CFAP20: variants seen among roughly 807,000 people sequenced by gnomAD.
The protein encoded by CFAP20 is cilia and flagella associated protein 20, also known as cilia- and flagella-associated protein 20.
A neutral mutation model predicts 25.5 loss-of-function variants in CFAP20; 14 were observed. The observed-to-expected ratio is 0.55, with a 90% CI of 0.36 to 0.86. The LOEUF is 0.86. Among genes scored for constraint, CFAP20 ranks in the 40% least tolerant of loss-of-function variants. The pLI is 0.01. For missense variants in CFAP20, 181 were observed against 248.0 expected (o/e 0.73, Z 1.81); for synonymous variants, 75 against 91.1 (o/e 0.82, Z 1.01).
chr16:58,127,843 A>T (rs1185532313), intron 1 of CFAP20, among the ~76,000 whole-genome samples: 2 of 152,226 alleles, frequency 1.3e-5, no homozygotes, highest in African/African-American at 4.8e-5. Context: ...TAGTGGTGAC[A>T]GGCAGAAAGC....
intron 1 of CFAP20, among the ~76,000 whole-genome samples, chr16:58,127,868 C>T (rs1157706976): frequency 1.3e-5 from 2 of 152,188 alleles, no homozygotes; most frequent in Admixed American, 6.5e-5. Context: ...CATGTTCTCT[C>T]CCAACTTTAT....
intron 1 of CFAP20, among the ~76,000 whole-genome samples, chr16:58,118,057 G>A (rs1293570768): frequency 6.6e-6 from 1 of 152,206 alleles, no homozygotes; most frequent in African/African-American, 2.4e-5. Context: ...GGAGGTAGAT[G>A]ATGGGGAGGA....
chr16:58,119,811 C>A lies in CFAP20; in HGVS notation c.85-2860G>T, dbSNP rs4784896. ...AAGTGCCCACCTCACTCGCCATCTA[C>A]TGTTCCCAACCTAAGTGCCCACCTC... On this transcript the variant is annotated intron_variant, in intron 1 of 5. Transcript: ENST00000262498. Among the ~76,000 whole-genome samples, 270 of 119,846 alleles carry A rather than the reference C, an allele frequency of 2.3e-3. No individual in the cohort carries two copies. The Middle Eastern group carries it at 0.028, about 12-fold the overall frequency. 78.6% of individuals were successfully genotyped at this position (119,846 alleles called of 152,430 possible). A position where few individuals can be genotyped will look rare whatever the true frequency, so the allele number is the denominator to read the frequency against.
At chr16:58,114,270 G>A (rs1226406355) in intron 5 of CFAP20, among the ~76,000 whole-genome samples, 1 of 152,212 alleles carries the variant, frequency 6.6e-6, no homozygotes, top group Non-Finnish European at 1.5e-5. Flanking sequence ...GCTCACGCCT[G>A]TAATCCCAGC....
intron 1 of CFAP20, among the ~76,000 whole-genome samples, chr16:58,122,447 T>G (rs2142368186): frequency 6.6e-6 from 1 of 152,250 alleles, no homozygotes; most frequent in African/African-American, 2.4e-5. Context: ...CTGGGTGTGG[T>G]AGCGCATGCC....
In CFAP20 at chr16:58,114,904, C is replaced by T. The variant is rs781222045; in HGVS notation, c.482G>A (p.Arg161His). 39 of 1,613,368 alleles carry T rather than the reference C, an allele frequency of 2.4e-5. No individual in the cohort carries two copies. The highest frequency in any genetic ancestry group is 1.6e-4 in the Middle Eastern group (1 of 6,080). Residue 161 changes from arginine to histidine, a missense_variant, in exon 5 of 6, where the codon CGC becomes CAC. Coordinates refer to ENST00000262498, the MANE Select transcript of CFAP20 (RefSeq NM_013242.3). Reference protein sequence around the residue: ...TLRVQIHANCRIRRVYFSDRL... With the variant: ...TLRVQIHANCHIRRVYFSDRL... ...GTCTGAGAAGTAAACCCGTCGGATG[C>T]GACAATTTGCATGGATCTGTCAAGG...
intron 1 of CFAP20, among the ~76,000 whole-genome samples, chr16:58,122,893 G>C (rs1433049991): frequency 2.0e-5 from 3 of 152,214 alleles, no homozygotes; most frequent in Admixed American, 6.5e-5. Flanking sequence ...TCTTGGAGTA[G>C]GGGAGAAACA....
intron 1 of CFAP20, among the ~76,000 whole-genome samples, chr16:58,122,844 C>G (rs1391178325): frequency 6.6e-6 from 1 of 152,202 alleles, no homozygotes; most frequent in Non-Finnish European, 1.5e-5. Flanking sequence ...GAATCTAACA[C>G]TATCCAGCAA....
At chr16:58,114,968 C>T (rs771814188) in intron 4 of CFAP20, 48 bp from the exon 5 acceptor site, 3 of 1,500,754 alleles carry the variant, frequency 2.0e-6, no homozygotes, top group East Asian at 4.5e-5. Flanking sequence ...ACTGTTCTCC[C>T]CCTTTTCCTG....
chr16:58,117,247 C>T (rs1335177548), intron 1 of CFAP20, among the ~76,000 whole-genome samples: 1 of 152,162 alleles, frequency 6.6e-6, no homozygotes, highest in Non-Finnish European at 1.5e-5. Flanking sequence ...GAATATCACA[C>T]ACATCCCCTT....
chr16:58,129,039 TC>T lies in CFAP20; in HGVS notation c.76del (p.Asp26ThrfsTer22). Reference sequence around the variant, plus strand: ...CGCCGCCCCTAGCCCGACCTTTTTGTCCCAGATTTGCAGAGGCTTGCTGCCG... The same window carrying T: ...CGCCGCCCCTAGCCCGACCTTTTTGTCCAGATTTGCAGAGGCTTGCTGCCG... ...SIGSKPLQIW[D>X]KKVRNGHIKR... On this transcript the variant is annotated frameshift_variant, in exon 1 of 6. Coordinates refer to ENST00000262498, the MANE Select transcript of CFAP20 (RefSeq NM_013242.3). LOFTEE classifies it high-confidence loss of function. 1 of 1,613,278 alleles carries T rather than the reference TC, an allele frequency of 6.2e-7. No homozygotes were observed. Among genetic ancestry groups the T allele is most frequent in the Non-Finnish European group, 8.5e-7 (1 of 1,179,812 alleles).
intron 1 of CFAP20, among the ~76,000 whole-genome samples, chr16:58,124,421 A>C (rs1350867201): frequency 1.3e-5 from 2 of 152,216 alleles, no homozygotes; most frequent in Non-Finnish European, 2.9e-5. Flanking sequence ...ACGTTCTGAG[A>C]AATGCCTCAT....
rs542727946 is a variant in CFAP20 at position 58,121,129 on chromosome 16, G to C, written c.85-4178C>G. Among the ~76,000 whole-genome samples the C allele has an allele frequency of 2.6e-5, 4 of 152,296 alleles. No homozygotes were observed. The South Asian group carries it at 8.3e-4, about 32-fold the overall frequency. ...GCTCTAAAACTAGGATCAAAGGGGA[G>C]AGGCGACAGGCAATTTGGGGCAAAG... On this transcript the variant is annotated intron_variant, in intron 1 of 5. Transcript: ENST00000262498.
At chr16:58,125,726 T>G (rs920344976) in intron 1 of CFAP20, among the ~76,000 whole-genome samples, 1 of 152,098 alleles carries the variant, frequency 6.6e-6, no homozygotes, top group African/African-American at 2.4e-5. Context: ...GTATAGTAAA[T>G]ACATAAGCCA....
chr16:58,121,060 A>T (rs1323267859), intron 1 of CFAP20, among the ~76,000 whole-genome samples: 1 of 152,200 alleles, frequency 6.6e-6, no homozygotes, highest in Non-Finnish European at 1.5e-5. Context: ...GCGATCAATC[A>T]GATATGTGCA....
chr16:58,128,445 C>G (rs1466809328), intron 1 of CFAP20, among the ~76,000 whole-genome samples: 1 of 152,146 alleles, frequency 6.6e-6, no homozygotes, highest in African/African-American at 2.4e-5. Flanking sequence ...TATTTGGGAT[C>G]AGTGGGAGGA....
intron 1 of CFAP20, 182 bp from the exon 2 acceptor site, chr16:58,117,133 T>A (rs964940153): frequency 5.4e-6 from 3 of 551,380 alleles, no homozygotes; most frequent in Non-Finnish European, 9.6e-6. Context: ...ACCAAGGGAA[T>A]CCCAGGTAAC....
Position 58,114,010 on chromosome 16 carries a change from G to C in CFAP20, c.*15C>G, listed in dbSNP as rs201886107. The C allele has an allele frequency of 2.5e-6, 4 of 1,613,030 alleles. No homozygotes were observed. The highest frequency in any genetic ancestry group is 1.7e-5 in the Admixed American group (1 of 60,028). On this transcript the variant is annotated 3_prime_UTR_variant, in exon 6 of 6. Coordinates refer to ENST00000262498, the MANE Select transcript of CFAP20 (RefSeq NM_013242.3). ...AGTCACATCCAGGGGTCTATCCCTC[G>C]AGTCACAATTCCAGTTATTGCTGAA...
intron 1 of CFAP20, among the ~76,000 whole-genome samples, chr16:58,127,020 G>A (rs1313277201): frequency 6.6e-6 from 1 of 152,180 alleles, no homozygotes; most frequent in Non-Finnish European, 1.5e-5. Flanking sequence ...CTTGAAATGA[G>A]TGTTCTAAAG....
Sources: gnomAD v4.1 joint callset for allele counts (sites outside exome capture counted in the v4.1 genomes callset) on GRCh38, gnomAD v4.1.1 for gene constraint, MANE v1.5 for transcripts, NCBI Gene and HGNC (gene_info 2026-07-23, HGNC 2026-07-21) for gene names.